Variants in ALK observed in about 807,000 individuals in gnomAD.
The protein encoded by ALK is ALK tyrosine kinase receptor.
A neutral mutation model predicts 163.1 loss-of-function variants in ALK; 74 were observed. That is an observed-to-expected ratio of 0.45 (90% CI 0.38 to 0.55). The LOEUF (loss-of-function observed/expected upper bound fraction) is 0.55, where lower values mean the gene tolerates loss of function less well. Ranked by LOEUF, ALK falls within the 20% of genes least tolerant of loss-of-function variation. The pLI, the probability that ALK is intolerant of heterozygous loss-of-function variation, is 0.00. For synonymous variants in ALK, 960 were observed against 843.2 expected (o/e 1.14, Z -2.40); for missense variants, 2,063 against 2,105.3 (o/e 0.98, Z 0.39).
At chr2:29,426,468 T>C (rs1433793519) in intron 4 of ALK, among the ~76,000 whole-genome samples, 1 of 152,142 alleles carries the variant, frequency 6.6e-6, no homozygotes, top group East Asian at 1.9e-4. Context: ...TGCCTTCTCA[T>C]CAGAAACAAT....
intron 1 of ALK, 88 bp downstream of exon 1, chr2:29,919,905 T>C: frequency 1.3e-6 from 2 of 1,486,464 alleles, no homozygotes; most frequent in Non-Finnish European, 9.2e-7. Context: ...TTTTAGAAAG[T>C]GGGGTGGAAG....
At chr2:29,858,810 G>A (rs577283798) in intron 1 of ALK, among the ~76,000 whole-genome samples, 30 of 151,668 alleles carry the variant, frequency 2.0e-4, no homozygotes, top group African/African-American at 4.6e-4. Flanking sequence ...AGGCTGAGGC[G>A]GGCAGATCAC....
At chr2:29,810,545 G>A (rs958496295) in intron 1 of ALK, among the ~76,000 whole-genome samples, 2 of 152,038 alleles carry the variant, frequency 1.3e-5, no homozygotes, top group African/African-American at 4.8e-5. Context: ...TGTATTGGAG[G>A]GCCTGGGAGA....
At chr2:29,602,276 G>T (rs1167268317) in intron 3 of ALK, among the ~76,000 whole-genome samples, 1 of 151,956 alleles carries the variant, frequency 6.6e-6, no homozygotes. Context: ...GACATATTCA[G>T]GATCCAACAT....
intron 1 of ALK, among the ~76,000 whole-genome samples, chr2:29,803,578 T>C (rs889417131): frequency 3.3e-5 from 5 of 152,224 alleles, no homozygotes; most frequent in African/African-American, 9.6e-5. Context: ...CTTTACCTTC[T>C]TCACCATTAT....
At chr2:29,625,376 A>C (rs1676162742) in intron 3 of ALK, among the ~76,000 whole-genome samples, 2 of 152,212 alleles carry the variant, frequency 1.3e-5, no homozygotes, top group African/African-American at 4.8e-5. Flanking sequence ...ATATGTGCGC[A>C]TTTTCCCAAA....
chr2:29,660,287 A>C (rs2148261252), intron 3 of ALK, among the ~76,000 whole-genome samples: 1 of 152,288 alleles, frequency 6.6e-6, no homozygotes, highest in South Asian at 2.1e-4. Flanking sequence ...TCTACTGTGG[A>C]CTGACTGTGA....
At chr2:29,448,010 A>G (rs1211253116) in intron 4 of ALK, among the ~76,000 whole-genome samples, 1 of 152,054 alleles carries the variant, frequency 6.6e-6, no homozygotes, top group African/African-American at 2.4e-5. Flanking sequence ...GGACAGTAAC[A>G]TTCTTGGTTT....
intron 26 of ALK, among the ~76,000 whole-genome samples, chr2:29,205,793 A>G (rs1299220658): frequency 6.6e-6 from 1 of 151,964 alleles, no homozygotes; most frequent in African/African-American, 2.4e-5. Context: ...ACTTCATCAC[A>G]TCTGCAAAGA....
chr2:29,358,588 A>C (rs1359721992), intron 5 of ALK, among the ~76,000 whole-genome samples: 2 of 152,200 alleles, frequency 1.3e-5, no homozygotes, highest in Non-Finnish European at 2.9e-5. Flanking sequence ...GAGGCTTGTC[A>C]ATCTTAAGTT....
At chr2:29,564,287 A>G (rs2148185228) in intron 3 of ALK, among the ~76,000 whole-genome samples, 1 of 152,314 alleles carries the variant, frequency 6.6e-6, no homozygotes, top group South Asian at 2.1e-4. Context: ...TCAAGGGGTG[A>G]CAGGTGCTTC....
At position 29,733,172 on chromosome 2, in the gene ALK, G is replaced by C. The variant is rs746950438; in HGVS notation, c.668-15475C>G. Among the ~76,000 whole-genome samples the C allele has an allele frequency of 1.1e-3, 161 of 152,128 alleles. 1 individual carries two copies. Among genetic ancestry groups the C allele is most frequent in the Non-Finnish European group, 2.0e-3 (135 of 68,022 alleles). ...ACTCTCCCTGAAAGCGGGGCACTAG[G>C]AACAAGAGTAACCTAGCCATTCTCC... On this transcript the variant is annotated intron_variant, in intron 1 of 28. Coordinates refer to ENST00000389048, the MANE Select transcript of ALK (RefSeq NM_004304.5).
At chr2:29,877,769 G>A (rs1396004333) in intron 1 of ALK, among the ~76,000 whole-genome samples, 2 of 152,038 alleles carry the variant, frequency 1.3e-5, no homozygotes, top group African/African-American at 2.4e-5. Flanking sequence ...TCGGAGTCAG[G>A]TCTTCAAGGC....
At chr2:29,625,931 G>T (rs904545310) in intron 3 of ALK, among the ~76,000 whole-genome samples, 1 of 152,230 alleles carries the variant, frequency 6.6e-6, no homozygotes, top group Non-Finnish European at 1.5e-5. Context: ...GGGGAGCCAA[G>T]ATTGGAAAGG....
intron 1 of ALK, among the ~76,000 whole-genome samples, chr2:29,828,069 T>G (rs999911428): frequency 1.3e-5 from 2 of 152,218 alleles, no homozygotes; most frequent in East Asian, 1.9e-4. Flanking sequence ...AATGGGGAAA[T>G]GATTCCCTGT....
In ALK at chr2:29,225,525, G is replaced by T. The variant is rs1663944217; in HGVS notation, c.3108C>A (p.Ile1036=). Residue 1036 remains isoleucine (I), a synonymous_variant, in exon 19 of 29, where the codon ATC becomes ATA. Coordinates refer to ENST00000389048, the MANE Select transcript of ALK (RefSeq NM_004304.5). The stretch of plus-strand genomic sequence containing the variant: ...CGAGGGCAGAGGTCACCACAGAGAG[G>T]ATCAGCGAGAGTGGCAGGTGTGGCT... ...TPEPHLPLSL[I]LSVVTSALVA... is the part of the protein sequence containing the mutation. The T allele has an allele frequency of 1.2e-6, 2 of 1,613,302 alleles. No homozygotes were observed. Among genetic ancestry groups the T allele is most frequent in the African/African-American group, 2.7e-5 (2 of 74,916 alleles).
At position 29,439,278 on chromosome 2, in the gene ALK, T is replaced by G. The variant is rs561214259; in HGVS notation, c.1155-55419A>C. On this transcript the variant is annotated intron_variant, in intron 4 of 28. Transcript: ENST00000389048. ...AAGGACTGCCTGAGCTGACAAATTA[T>G]GTATTCTCATATTATTTTAAAATGT... 5.9e-5 allele frequency among the ~76,000 whole-genome samples: 9 copies of G among 152,328 alleles called. No homozygotes were observed. In the South Asian group the frequency reaches 1.7e-3, roughly 28 times the overall value.
intron 1 of ALK, among the ~76,000 whole-genome samples, chr2:29,760,762 C>G (rs1019601069): frequency 6.6e-6 from 1 of 152,180 alleles, no homozygotes; most frequent in Non-Finnish European, 1.5e-5. Context: ...GTATTTGAAA[C>G]TCTGGAACCC....
chr2:29,634,941 G>T (rs1676479358), intron 3 of ALK, among the ~76,000 whole-genome samples: 1 of 152,200 alleles, frequency 6.6e-6, no homozygotes, highest in Non-Finnish European at 1.5e-5. Context: ...CAGCAAGGCT[G>T]CAGGATTCAA....
Sources: allele counts gnomAD v4.1 joint callset (sites outside exome capture counted in the v4.1 genomes callset), GRCh38; gene constraint gnomAD v4.1.1; transcripts MANE v1.5; gene names NCBI Gene and HGNC (gene_info 2026-07-23, HGNC 2026-07-21).